ITGB2: variants seen among roughly 807,000 people sequenced by gnomAD.
ITGB2 encodes integrin subunit beta 2, also known as integrin beta-2.
ITGB2 carries 56 observed loss-of-function variants against 86.8 expected under a neutral mutation model. The ratio of observed to expected loss-of-function variants is 0.65; its 90% CI spans 0.52 to 0.81. The LOEUF (loss-of-function observed/expected upper bound fraction) is 0.81, where lower values mean the gene tolerates loss of function less well. ITGB2 is among the 30% of genes least tolerant of loss of function. ITGB2 has a pLI of 0.00. For missense variants in ITGB2, 948 were observed against 1,061.2 expected (o/e 0.89, Z 1.48); for synonymous variants, 457 against 450.4 (o/e 1.01, Z -0.19).
intron 14 of ITGB2, 118 bp from the exon 15 acceptor site, chr21:44,887,020 C>T (rs1214752923): frequency 8.0e-7 from 1 of 1,245,518 alleles, no homozygotes; most frequent in South Asian, 1.3e-5. Flanking sequence ...TTCCCAGGGC[C>T]CCGGCTCACC....
intron 7 of ITGB2, among the ~76,000 whole-genome samples, chr21:44,899,938 G>A (rs1343530553): frequency 6.6e-6 from 1 of 152,242 alleles, no homozygotes; most frequent in African/African-American, 2.4e-5. Flanking sequence ...CCGGGAGGGG[G>A]AGGAGGCGGA....
At chr21:44,917,249 C>T (rs1312870685) in intron 1 of ITGB2, among the ~76,000 whole-genome samples, 2 of 152,058 alleles carry the variant, frequency 1.3e-5, no homozygotes, top group Admixed American at 6.5e-5. Flanking sequence ...CACACAGCAA[C>T]GAAAACATGC....
At chr21:44,893,675 G>T (rs2083823353) in intron 9 of ITGB2, 131 bp from the exon 10 acceptor site, 1 of 1,221,724 alleles carries the variant, frequency 8.2e-7, no homozygotes, top group South Asian at 1.2e-5. Context: ...ATGACACAGA[G>T]GAGAGCACAG....
chr21:44,892,493 G>A (rs895254610), intron 10 of ITGB2, among the ~76,000 whole-genome samples: 10 of 151,240 alleles, frequency 6.6e-5, no homozygotes, highest in African/African-American at 2.4e-4. Context: ...GGTGGCACAC[G>A]CCTGTAGTCC....
chr21:44,895,913 TA>T (rs11290452), intron 8 of ITGB2, among the ~76,000 whole-genome samples: 5,565 of 148,746 alleles, frequency 0.037, 328 homozygotes, highest in African/African-American at 0.12. Flanking sequence ...AAATAAAAAA[TA>T]AAAAAAAAAT....
chr21:44,915,494 C>T lies in ITGB2; in HGVS notation c.-3-4709G>A, dbSNP rs34516301. 1.5e-4 allele frequency among the ~76,000 whole-genome samples: 23 copies of T among 152,270 alleles called. No homozygotes were observed. The East Asian group carries it at 4.4e-3, about 29-fold the overall frequency. ...CTCGCATCAAAGTGACTCGGAGGTG[C>T]GCGGGAAGTGATGGACGATGCCGCC... is the stretch of plus-strand genomic sequence containing the variant. On this transcript the variant is annotated intron_variant, in intron 1 of 15. Coordinates refer to ENST00000652462, the MANE Select transcript of ITGB2 (RefSeq NM_000211.5).
chr21:44,907,091 A>AAGTTCTG lies in ITGB2; in HGVS notation c.148-3_151dup (p.Phe51SerfsTer10). ...GGAGTCAGGATCCCCCGGCCCTGTGAAGTTCTGGGGAGGGGGAGTCAGGGG... is the reference window on the plus strand; with the variant it reads ...GGAGTCAGGATCCCCCGGCCCTGTGAAGTTCTGAGTTCTGGGGAGGGGGAGTCAGGGG... On this transcript the variant is annotated frameshift_variant, in exon 4 of 16. Coordinates refer to ENST00000652462, the MANE Select transcript of ITGB2 (RefSeq NM_000211.5). LOFTEE classifies it high-confidence loss of function. 2.5e-6 allele frequency: 4 copies of AAGTTCTG among 1,599,080 alleles called. No homozygotes were observed. The highest frequency in any genetic ancestry group is 3.4e-6 in the Non-Finnish European group (4 of 1,170,228).
At chr21:44,899,508 G>A (rs1157434012) in intron 7 of ITGB2, among the ~76,000 whole-genome samples, 1 of 152,162 alleles carries the variant, frequency 6.6e-6, no homozygotes, top group East Asian at 1.9e-4. Context: ...GGCCATGAGT[G>A]TCAGGTGCGG....
Position 44,890,238 on chromosome 21 carries a change from G to C in ITGB2, c.1413-16C>G, listed in dbSNP as rs370041443. 3 of 1,612,628 alleles carry C rather than the reference G, an allele frequency of 1.9e-6. No individual in the cohort carries two copies. The African/African-American group carries it at 4.0e-5, about 21-fold the overall frequency. Reference sequence around the variant, plus strand: ...AGTGTCACACCTGGGGACAGGAGGGGCCCCAAGGTCAGGCTCCCCCCAGTG... The same window carrying C: ...AGTGTCACACCTGGGGACAGGAGGGCCCCCAAGGTCAGGCTCCCCCCAGTG... On this transcript the variant is annotated splice_polypyrimidine_tract_variant and intron_variant, in intron 11 of 15. Coordinates refer to ENST00000652462, the MANE Select transcript of ITGB2 (RefSeq NM_000211.5).
chr21:44,906,652 G>T (rs771735911), intron 4 of ITGB2, among the ~76,000 whole-genome samples: 1 of 152,148 alleles, frequency 6.6e-6, no homozygotes, highest in Non-Finnish European at 1.5e-5. Flanking sequence ...AAAAAAAAAG[G>T]TGCAGAACGT....
At chr21:44,904,985 A>G (rs1347075246) in intron 4 of ITGB2, among the ~76,000 whole-genome samples, 1 of 152,128 alleles carries the variant, frequency 6.6e-6, no homozygotes, top group Non-Finnish European at 1.5e-5. Flanking sequence ...ATCACTTTCT[A>G]TGAAGGGCCA....
chr21:44,905,685 G>T (rs1398647129), intron 4 of ITGB2, among the ~76,000 whole-genome samples: 2 of 152,156 alleles, frequency 1.3e-5, no homozygotes, highest in Non-Finnish European at 2.9e-5. Context: ...ACGGGGCAGC[G>T]AGGGGCAGGC....
chr21:44,892,169 G>T (rs1039261050), intron 10 of ITGB2, among the ~76,000 whole-genome samples, 173 bp from the exon 11 acceptor site: 1 of 152,184 alleles, frequency 6.6e-6, no homozygotes, highest in Non-Finnish European at 1.5e-5. Flanking sequence ...AAAGTCAGCC[G>T]GCAAGGAGGT....
chr21:44,893,734 C>G, intron 9 of ITGB2, 190 bp from the exon 10 acceptor site: 1 of 695,012 alleles, frequency 1.4e-6, no homozygotes, highest in Non-Finnish European at 2.5e-6. Flanking sequence ...GTCCTGCCCT[C>G]GAGACAGCCT....
Position 44,889,270 on chromosome 21 carries a change from A to G in ITGB2, c.1877+6T>C. On this transcript the variant is annotated splice_donor_region_variant and intron_variant, in intron 13 of 15. Coordinates refer to ENST00000652462, the MANE Select transcript of ITGB2 (RefSeq NM_000211.5). ...TGCCCGCCCTGCCTGCTCCGCCTGC[A>G]CTCACATGTACTTGCCACAGGGTGA... 6.2e-7 allele frequency: 1 copy of G among 1,611,978 alleles called. No individual in the cohort carries two copies. The highest frequency in any genetic ancestry group is 8.5e-7 in the Non-Finnish European group (1 of 1,179,426).
intron 9 of ITGB2, chr21:44,894,387 GGACCTC>G: frequency 5.8e-6 from 1 of 171,878 alleles, no homozygotes; most frequent in Admixed American, 5.4e-5. Context: ...AGAGCAGTCG[GGACCTC>G]TGGTGCCTGG....
rs560731381 is a variant in ITGB2, at chr21:44,887,132, C to A, written c.2081-230G>T. ...AAATGAAACCTAAGGGCCATTGCCACCACCCCTGCTGACAGAGAAGAAGGC... is the reference window on the plus strand; with the variant it reads ...AAATGAAACCTAAGGGCCATTGCCAACACCCCTGCTGACAGAGAAGAAGGC... On this transcript the variant is annotated intron_variant, in intron 14 of 15. Transcript: ENST00000652462. 4.6e-3 allele frequency among the ~76,000 whole-genome samples: 699 copies of A among 152,298 alleles called. 3 individuals carry two copies. The highest frequency in any genetic ancestry group is 5.7e-3 in the Non-Finnish European group (386 of 68,018).
At chr21:44,903,218 GC>G in intron 5 of ITGB2, 146 bp downstream of exon 5, 1 of 873,502 alleles carries the variant, frequency 1.1e-6, no homozygotes. Flanking sequence ...GCCGACTGCA[GC>G]CCTGTGGATG....
intron 1 of ITGB2, chr21:44,928,037 C>T (rs1326586784): frequency 2.6e-5 from 4 of 151,598 alleles, no homozygotes; most frequent in African/African-American, 4.9e-5. Flanking sequence ...AACCCCCCGA[C>T]GCAGCTTCCC....
Sources: gnomAD v4.1 joint callset for allele counts (sites outside exome capture counted in the v4.1 genomes callset) on GRCh38, gnomAD v4.1.1 for gene constraint, MANE v1.5 for transcripts, NCBI Gene and HGNC (gene_info 2026-07-23, HGNC 2026-07-21) for gene names.